The following PLOD1 variants were observed in gnomAD, a reference collection of about 807,000 sequenced individuals.
PLOD1 encodes lysine hydroxylase.
A neutral mutation model predicts 94.7 loss-of-function variants in PLOD1; 70 were observed. The ratio of observed to expected loss-of-function variants is 0.74; its 90% CI spans 0.61 to 0.90. The LOEUF (loss-of-function observed/expected upper bound fraction) is 0.90. Ranked by LOEUF, PLOD1 falls within the 40% of genes least tolerant of loss-of-function variation. The probability of loss-of-function intolerance (pLI) is 0.00; values close to 1 mark genes in which losing one functional copy is unlikely to be tolerated. For synonymous variants in PLOD1, 417 were observed against 400.2 expected, an observed-to-expected ratio of 1.04 and a Z score of -0.50; for missense variants, 905 against 972.7, an observed-to-expected ratio of 0.93 and a Z score of 0.93.
At chr1:11,945,112 G>C (rs1026929970) in intron 1 of PLOD1, among the ~76,000 whole-genome samples, 1 of 152,212 alleles carries the variant, frequency 6.6e-6, no homozygotes, top group Non-Finnish European at 1.5e-5. Context: ...CTGGGACCTG[G>C]AGGAAGGTTA....
intron 4 of PLOD1, among the ~76,000 whole-genome samples, chr1:11,951,046 G>A (rs959121177): frequency 6.6e-6 from 1 of 151,432 alleles, no homozygotes; most frequent in East Asian, 1.9e-4. Flanking sequence ...CACCTGCCTC[G>A]GCCTCCCAAA....
At position 11,964,798 on chromosome 1, in the gene PLOD1, C is replaced by T. The variant is rs774187391; in HGVS notation, c.1470+13C>T. ...CATCCGGCAGCAGGTCAGCCAGGAGCGGGCAGCACAGGACGCCCTCTGGAT... is the reference window on the plus strand; with the variant it reads ...CATCCGGCAGCAGGTCAGCCAGGAGTGGGCAGCACAGGACGCCCTCTGGAT... On this transcript the variant is annotated intron_variant, in intron 13 of 18. Coordinates refer to ENST00000196061, the MANE Select transcript of PLOD1 (RefSeq NM_000302.4). The T allele has an allele frequency of 6.2e-6, 10 of 1,613,190 alleles. No individual in the cohort carries two copies. Among genetic ancestry groups the T allele is most frequent in the African/African-American group, 2.7e-5 (2 of 74,940 alleles).
At chr1:11,934,905 T>C (rs1319283583) in intron 1 of PLOD1, 50 bp downstream of exon 1, 8 of 1,521,514 alleles carry the variant, frequency 5.3e-6, no homozygotes, top group African/African-American at 1.4e-5. Context: ...GCGGGAGGGC[T>C]GGTGTCGGGC....
At chr1:11,970,533 A>T in intron 16 of PLOD1, 137 bp from the exon 17 acceptor site, 1 of 815,248 alleles carries the variant, frequency 1.2e-6, no homozygotes, top group South Asian at 1.4e-5. Context: ...TAGGAGCCTT[A>T]ATTGTATCTG....
At chr1:11,966,824 G>T (rs1031272490) in intron 15 of PLOD1, among the ~76,000 whole-genome samples, 163 bp from the exon 16 acceptor site, 1 of 152,128 alleles carries the variant, frequency 6.6e-6, no homozygotes, top group African/African-American at 2.4e-5. Context: ...TCTGTCTCTG[G>T]GCTCTGCCTC....
chr1:11,970,294 G>A (rs774676588), intron 16 of PLOD1, among the ~76,000 whole-genome samples: 2 of 151,994 alleles, frequency 1.3e-5, no homozygotes, highest in Admixed American at 6.6e-5. Context: ...TTAGTTGGGC[G>A]TGATGGTGCG....
chr1:11,946,787 A>C (rs1460414160), intron 1 of PLOD1, among the ~76,000 whole-genome samples: 1 of 152,154 alleles, frequency 6.6e-6, no homozygotes, highest in Non-Finnish European at 1.5e-5. Context: ...TGTTGCTGTA[A>C]AGAAGTACCC....
At chr1:11,954,932 G>T in intron 6 of PLOD1, 39 bp downstream of exon 6, 1 of 1,492,088 alleles carries the variant, frequency 6.7e-7, no homozygotes, top group Non-Finnish European at 9.4e-7. Context: ...TCCTCAGAGG[G>T]GTGATAGGAA....
intron 1 of PLOD1, among the ~76,000 whole-genome samples, chr1:11,936,210 G>C (rs560584326): frequency 6.6e-6 from 1 of 151,992 alleles, no homozygotes; most frequent in African/African-American, 2.4e-5. Flanking sequence ...GAGGTGGTTG[G>C]TCCGAGGTCA....
Position 11,974,879 on chromosome 1 carries a change from C to G in PLOD1, c.*71C>G, listed in dbSNP as rs2230899. 4.5e-3 allele frequency: 6,886 copies of G among 1,526,558 alleles called. 216 individuals carry two copies. The African/African-American group carries it at 0.078, about 17-fold the overall frequency. 94.6% of individuals were successfully genotyped at this position (1,526,558 alleles called of 1,614,324 possible). A position where few individuals can be genotyped will look rare whatever the true frequency, so the allele number is the denominator to read the frequency against. On this transcript the variant is annotated 3_prime_UTR_variant, in exon 19 of 19. Transcript: ENST00000196061. ...CACTGCCCAGCAGCCTCTGGGACCT[C>G]GGGGTCCCAGGGAACCCAGTCCAGC...
rs761521799 is a variant in PLOD1, at chr1:11,963,505, A to T, written c.1098-27A>T. ...CACCAGTAGCTCCAGGATCAGGTGC[A>T]CTGACCCTGTGTCCTCCTCCTTGCA... On this transcript the variant is annotated intron_variant, in intron 10 of 18. Coordinates refer to ENST00000196061, the MANE Select transcript of PLOD1 (RefSeq NM_000302.4). The surrounding 1 kb of genome is among the most constrained non-coding windows in gnomAD (Gnocchi z 4.3). 1 of 1,448,242 alleles carries T rather than the reference A, an allele frequency of 6.9e-7. No homozygotes were observed. The highest frequency in any genetic ancestry group is 9.6e-7 in the Non-Finnish European group (1 of 1,045,166). The allele number at this position is 1,448,242 out of a possible 1,614,324, so 89.7% of individuals were successfully genotyped here. A position where few individuals can be genotyped will look rare whatever the true frequency, so the allele number is the denominator to read the frequency against.
rs556870972 is a variant in PLOD1 at position 11,970,926 on chromosome 1, C to T, written c.1902+110C>T. ...GGGAGGTGGAGAAACTGGGAGGGGC[C>T]GAGGTGGAGTGAGGGTGTGGGGAGC... On this transcript the variant is annotated intron_variant, in intron 17 of 18. Transcript: ENST00000196061. The T allele has an allele frequency of 3.6e-5, 18 of 502,380 alleles. No individual in the cohort carries two copies. The East Asian group carries it at 6.1e-4, about 17-fold the overall frequency. 31.1% of individuals were successfully genotyped at this position (502,380 alleles called of 1,614,324 possible).
At chr1:11,941,899 G>C (rs933314948) in intron 1 of PLOD1, among the ~76,000 whole-genome samples, 1 of 152,036 alleles carries the variant, frequency 6.6e-6, no homozygotes, top group African/African-American at 2.4e-5. Context: ...GGCCAGGTGG[G>C]ACTTGAATTC....
intron 1 of PLOD1, among the ~76,000 whole-genome samples, chr1:11,940,464 C>T (rs557993621): frequency 7.0e-4 from 106 of 152,336 alleles, no homozygotes; most frequent in Admixed American, 2.1e-3. Context: ...CTGTGCCAAG[C>T]GCTTTACGGC....
rs747209460 is a variant in PLOD1 at position 11,956,988 on chromosome 1, C to T, written c.715C>T (p.Leu239=). The stretch of plus-strand genomic sequence containing the variant: ...CCTGGCCTATGACACCCTCCCGGTC[C>T]TGATCCATGGCAACGGGCCAACCAA... The part of the protein sequence containing the change: ...RNLAYDTLPV[L]IHGNGPTKLQ... The change falls in exon 7 of 19, where the codon CTG becomes TTG. Residue 239 remains leucine (L), a synonymous_variant. Transcript: ENST00000196061. 1 of 1,613,578 alleles carries T rather than the reference C, an allele frequency of 6.2e-7. No individual in the cohort carries two copies. Among genetic ancestry groups the T allele is most frequent in the Non-Finnish European group, 8.5e-7 (1 of 1,179,528 alleles).
In PLOD1 at chr1:11,958,587, C is replaced by A; in HGVS notation, c.915C>A (p.Phe305Leu). 6.2e-7 allele frequency: 1 copy of A among 1,614,054 alleles called. No homozygotes were observed. ...EQPTPFVSLF[F>L]QRLLRLHYPQ... Reference sequence around the variant, plus strand: ...CCACGCCGTTTGTGTCCCTGTTCTTCCAGCGGCTCCTGCGGCTCCACTACC... The same window carrying A: ...CCACGCCGTTTGTGTCCCTGTTCTTACAGCGGCTCCTGCGGCTCCACTACC... Residue 305 changes from phenylalanine (F) to leucine (L), a missense_variant, in exon 9 of 19, where the codon TTC becomes TTA. By Grantham distance (22) the Phe-to-Leu change is conservative. Transcript: ENST00000196061. The surrounding 1 kb of genome is among the most constrained non-coding windows in gnomAD (Gnocchi z 4.3).
chr1:11,967,705 G>A (rs1569730792), intron 16 of PLOD1, among the ~76,000 whole-genome samples: 3 of 137,374 alleles, frequency 2.2e-5, no homozygotes, highest in Non-Finnish European at 4.6e-5. Flanking sequence ...TGCCCAGGCT[G>A]GTTGTGAACC....
At chr1:11,937,626 GTTGAA>G (rs1425190309) in intron 1 of PLOD1, among the ~76,000 whole-genome samples, 3 of 152,192 alleles carry the variant, frequency 2.0e-5, no homozygotes, top group African/African-American at 7.2e-5. Context: ...AGCCCGGTGA[GTTGAA>G]TTGAAGAGGG....
intron 1 of PLOD1, 87 bp downstream of exon 1, chr1:11,934,942 G>C (rs1645568232): frequency 2.0e-6 from 3 of 1,467,026 alleles, no homozygotes; most frequent in Non-Finnish European, 2.7e-6. Context: ...ACCTGAATGG[G>C]AGGCCTGGGC....
Sources: gnomAD v4.1 joint callset for allele counts (sites outside exome capture counted in the v4.1 genomes callset) on GRCh38, gnomAD v4.1.1 for gene constraint, Gnocchi (gnomAD v3.1) non-coding constraint, MANE v1.5 for transcripts, NCBI Gene and HGNC (gene_info 2026-07-23, HGNC 2026-07-21) for gene names.